The following DDR2 variants were observed in gnomAD, a reference collection of about 807,000 sequenced individuals.
DDR2 encodes the protein discoidin domain-containing receptor 2.
DDR2 carries 27 observed loss-of-function variants against 94.9 expected under a neutral mutation model. That is an observed-to-expected ratio of 0.28 (90% CI 0.21 to 0.39). DDR2 has a LOEUF of 0.39. Ranked by LOEUF, DDR2 falls within the 10% of genes least tolerant of loss-of-function variation. The pLI is 1.00. For missense variants in DDR2, 783 were observed against 1,076.0 expected (o/e 0.73, Z 3.81); for synonymous variants, 382 against 377.2 (o/e 1.01, Z -0.15).
At chr1:162,659,287 T>C (rs528291025) in intron 2 of DDR2, among the ~76,000 whole-genome samples, 10 of 152,298 alleles carry the variant, frequency 6.6e-5, no homozygotes, top group African/African-American at 2.4e-4. Context: ...GCTGGGATGT[T>C]CAAGGAACAC....
At chr1:162,760,358 TTGTG>T (rs113653768) in intron 8 of DDR2, among the ~76,000 whole-genome samples, 15 of 143,028 alleles carry the variant, frequency 1.0e-4, no homozygotes, top group African/African-American at 3.6e-4. Flanking sequence ...ACCAGCACAG[TTGTG>T]TGTGTGTGTG....
chr1:162,773,239 A>G (rs1460268324), intron 13 of DDR2, among the ~76,000 whole-genome samples: 1 of 152,242 alleles, frequency 6.6e-6, no homozygotes, highest in Non-Finnish European at 1.5e-5. Flanking sequence ...TGTTCCAAGC[A>G]ATGTGTATTT....
chr1:162,750,367 CA>C lies in DDR2; in HGVS notation c.83-2725del, dbSNP rs555641190. 4.7e-4 allele frequency among the ~76,000 whole-genome samples: 72 copies of C among 152,174 alleles called. No individual in the cohort carries two copies. The East Asian group carries it at 0.014, about 29-fold the overall frequency. ...CACCAATAAGAGACAAACAGAGAGC[CA>C]AATCATGAGTGAACTCCCATTCACA... is the stretch of plus-strand genomic sequence containing the variant. On this transcript the variant is annotated intron_variant, in intron 3 of 17. Coordinates refer to ENST00000367921, the MANE Select transcript of DDR2 (RefSeq NM_006182.4).
At chr1:162,704,827 T>C (rs1008038067) in intron 2 of DDR2, among the ~76,000 whole-genome samples, 3 of 152,200 alleles carry the variant, frequency 2.0e-5, no homozygotes, top group Admixed American at 6.5e-5. Flanking sequence ...ATAAGGCTTC[T>C]GAATAGTCCT....
chr1:162,778,486 G>C (rs922202368), intron 16 of DDR2, 94 bp from the exon 17 acceptor site: 68 of 1,486,354 alleles, frequency 4.6e-5, no homozygotes, highest in Admixed American at 3.0e-4. Context: ...TGCCTGTGGT[G>C]GGGGAAGGGG....
At chr1:162,775,956 A>G (rs1438027081) in intron 15 of DDR2, 113 bp downstream of exon 15, 4 of 1,463,902 alleles carry the variant, frequency 2.7e-6, no homozygotes, top group Non-Finnish European at 3.8e-6. Context: ...TGGTGGGGGA[A>G]GTCAGTGTGC....
intron 2 of DDR2, among the ~76,000 whole-genome samples, chr1:162,710,738 CA>C (rs1456791632): frequency 1.3e-5 from 2 of 148,688 alleles, no homozygotes; most frequent in Non-Finnish European, 3.0e-5. Context: ...TCAACACACA[CA>C]AATGCAAGTG....
intron 2 of DDR2, among the ~76,000 whole-genome samples, chr1:162,670,357 T>C (rs6666039): frequency 0.049 from 7,390 of 152,278 alleles, 617 homozygotes; most frequent in African/African-American, 0.17. Flanking sequence ...CTGCCTGCCT[T>C]GGCCTCCCAA....
intron 3 of DDR2, among the ~76,000 whole-genome samples, chr1:162,730,092 T>C (rs939083050): frequency 1.3e-5 from 2 of 149,004 alleles, no homozygotes; most frequent in Non-Finnish European, 3.0e-5. Flanking sequence ...TGATGCCATG[T>C]GAGACTTGAT....
At chr1:162,710,981 C>T (rs1027778920) in intron 2 of DDR2, among the ~76,000 whole-genome samples, 1 of 152,178 alleles carries the variant, frequency 6.6e-6, no homozygotes, top group Non-Finnish European at 1.5e-5. Context: ...GTCCAGATCA[C>T]AGGCTCAGTG....
At chr1:162,713,636 A>G (rs1208591928) in intron 2 of DDR2, among the ~76,000 whole-genome samples, 2 of 152,202 alleles carry the variant, frequency 1.3e-5, no homozygotes, top group African/African-American at 4.8e-5. Flanking sequence ...TCACCTAAAA[A>G]CATGTCATAG....
chr1:162,723,628 A>G (rs1022613031), intron 3 of DDR2, among the ~76,000 whole-genome samples: 5 of 152,230 alleles, frequency 3.3e-5, no homozygotes, highest in Admixed American at 2.0e-4. Flanking sequence ...ATTGTTGTGT[A>G]TAAAAAACAC....
intron 3 of DDR2, among the ~76,000 whole-genome samples, chr1:162,752,829 A>C (rs1051160432): frequency 6.6e-6 from 1 of 152,128 alleles, no homozygotes; most frequent in South Asian, 2.1e-4. Context: ...GGCACATTAC[A>C]TTGTATTACA....
intron 2 of DDR2, among the ~76,000 whole-genome samples, chr1:162,684,812 AACACACACACACACACACAC>A (rs56958157): frequency 1.4e-5 from 2 of 138,044 alleles, no homozygotes. Context: ...CACACCCACC[AACACACACACACACACACAC>A]ACACACACAC....
chr1:162,700,029 A>C (rs1660360912), intron 2 of DDR2, among the ~76,000 whole-genome samples: 1 of 152,194 alleles, frequency 6.6e-6, no homozygotes, highest in African/African-American at 2.4e-5. Flanking sequence ...CTCTGTTTTC[A>C]AACAAAGCAT....
intron 3 of DDR2, among the ~76,000 whole-genome samples, chr1:162,729,301 T>TATATATATATATATATATATATATATATA (rs755861408): frequency 1.7e-5 from 1 of 60,120 alleles, no homozygotes; most frequent in African/African-American, 8.3e-5. Flanking sequence ...TATATATATA[T>TATATATATATATATATATATATATATATA]TTTTTTTTTT....
intron 2 of DDR2, among the ~76,000 whole-genome samples, chr1:162,715,656 G>T (rs1661132967): frequency 6.6e-6 from 1 of 152,168 alleles, no homozygotes; most frequent in African/African-American, 2.4e-5. Context: ...CAAGCCTTAG[G>T]TTCACATATG....
At chr1:162,664,767 C>T (rs1401208465) in intron 2 of DDR2, among the ~76,000 whole-genome samples, 1 of 152,092 alleles carries the variant, frequency 6.6e-6, no homozygotes, top group East Asian at 1.9e-4. Flanking sequence ...ACTTTTTCAT[C>T]AGAAAAATAA....
At chr1:162,708,295 A>G (rs939555190) in intron 2 of DDR2, among the ~76,000 whole-genome samples, 4 of 152,214 alleles carry the variant, frequency 2.6e-5, no homozygotes, top group African/African-American at 9.6e-5. Flanking sequence ...TTCTGGGTTC[A>G]GGAGGGGTTC....
Sources: allele counts gnomAD v4.1 joint callset (sites outside exome capture counted in the v4.1 genomes callset), GRCh38; gene constraint gnomAD v4.1.1; transcripts MANE v1.5; gene names NCBI Gene and HGNC (gene_info 2026-07-23, HGNC 2026-07-21).